KIF2C: variants seen among roughly 807,000 people sequenced by gnomAD.
KIF2C encodes the protein kinesin family member 2C.
A neutral mutation model predicts 97.4 loss-of-function variants in KIF2C; 34 were observed. The ratio of observed to expected loss-of-function variants is 0.35; its 90% CI spans 0.27 to 0.46. The LOEUF (loss-of-function observed/expected upper bound fraction) is 0.46. Among genes scored for constraint, KIF2C ranks in the 20% least tolerant of loss-of-function variants. The pLI is 1.00. For missense variants in KIF2C, 750 were observed against 907.6 expected (o/e 0.83, Z 2.23); for synonymous variants, 313 against 318.2 (o/e 0.98, Z 0.17).
intron 16 of KIF2C, 47 bp from the exon 17 acceptor site, chr1:44,761,869 T>C: frequency 6.3e-7 from 1 of 1,577,004 alleles, no homozygotes; most frequent in Non-Finnish European, 8.7e-7. Flanking sequence ...CTATATAGCA[T>C]CCTCACCGTG....
At chr1:44,752,649 G>A (rs1649590313) in intron 5 of KIF2C, among the ~76,000 whole-genome samples, 1 of 152,166 alleles carries the variant, frequency 6.6e-6, no homozygotes, top group South Asian at 2.1e-4. Context: ...ACCACGTATG[G>A]GAAGTAATGA....
intron 4 of KIF2C, among the ~76,000 whole-genome samples, 192 bp downstream of exon 4, chr1:44,747,892 G>A (rs1649299533): frequency 6.6e-6 from 1 of 152,206 alleles, no homozygotes; most frequent in Non-Finnish European, 1.5e-5. Context: ...AAGAGACCTG[G>A]TGCATTTAGG....
At chr1:44,741,796 G>A (rs1323613160) in intron 2 of KIF2C, among the ~76,000 whole-genome samples, 1 of 151,892 alleles carries the variant, frequency 6.6e-6, no homozygotes, top group Non-Finnish European at 1.5e-5. Context: ...TCAAGACCAG[G>A]CTGGGCAACA....
chr1:44,745,933 G>A (rs1209660512), intron 2 of KIF2C, among the ~76,000 whole-genome samples: 4 of 151,950 alleles, frequency 2.6e-5, no homozygotes, highest in Non-Finnish European at 4.4e-5. Context: ...CTGGAGTGCA[G>A]TGGCGGGATC....
intron 13 of KIF2C, 44 bp from the exon 14 acceptor site, chr1:44,759,162 C>T (rs749958651): frequency 5.6e-6 from 9 of 1,610,696 alleles, no homozygotes; most frequent in African/African-American, 2.7e-5. Flanking sequence ...GGTGGGGTGC[C>T]GGGTGCCCAG....
chr1:44,749,466 T>C (rs1032287281), intron 4 of KIF2C, among the ~76,000 whole-genome samples: 26 of 150,288 alleles, frequency 1.7e-4, no homozygotes, highest in African/African-American at 5.6e-4. Context: ...TACAGATCAT[T>C]TGGGGCTAGA....
chr1:44,757,169 G>A (rs975201019), intron 10 of KIF2C, among the ~76,000 whole-genome samples: 2 of 152,038 alleles, frequency 1.3e-5, no homozygotes, highest in African/African-American at 2.4e-5. Flanking sequence ...CACACACTTC[G>A]GCCTCCCAAA....
At position 44,760,696 on chromosome 1, in the gene KIF2C, T is replaced by C; in HGVS notation, c.1677T>C (p.Thr559=). 1 of 1,612,728 alleles carries C rather than the reference T, an allele frequency of 6.2e-7. No homozygotes were observed. Among genetic ancestry groups the C allele is most frequent in the Non-Finnish European group, 8.5e-7 (1 of 1,178,748 alleles). Residue 559 remains threonine, a synonymous_variant, in exon 16 of 21, where the codon ACT becomes ACC. Coordinates refer to ENST00000372224, the MANE Select transcript of KIF2C (RefSeq NM_006845.4). This position sits in a 1 kb window ranked among gnomAD's most constrained non-coding sequence, Gnocchi z 4.2. ...CCTTCATTGGGGAGAACTCTAGGAC[T>C]TGCATGGTGAGTAGGGTCACTTTGA... ...RDSFIGENSR[T]CMIATISPGI...
Position 44,747,566 on chromosome 1 carries a change from G to T in KIF2C, c.267+81G>T, listed in dbSNP as rs563580037. 3.2e-6 allele frequency: 5 copies of T among 1,563,154 alleles called. No homozygotes were observed. In the African/African-American group the frequency reaches 6.8e-5, roughly 21 times the overall value. On this transcript the variant is annotated intron_variant, in intron 3 of 20. Coordinates refer to ENST00000372224, the MANE Select transcript of KIF2C (RefSeq NM_006845.4). ...TGACTCTTTGCTGATTGATTGTCTG[G>T]CATTTTAGCATAGTACATGGGCCCA...
intron 4 of KIF2C, among the ~76,000 whole-genome samples, chr1:44,749,416 CAG>C (rs1649390405): frequency 6.6e-6 from 1 of 151,428 alleles, no homozygotes; most frequent in African/African-American, 2.4e-5. Context: ...GCCTGGGTGA[CAG>C]AGTGAGACTC....
At chr1:44,756,283 C>T in intron 10 of KIF2C, 46 bp downstream of exon 10, 3 of 1,590,824 alleles carry the variant, frequency 1.9e-6, no homozygotes, top group Non-Finnish European at 2.6e-6. Context: ...CCTTCCATCC[C>T]CTTTTTTTGT....
chr1:44,749,682 T>A (rs375174164), intron 4 of KIF2C, among the ~76,000 whole-genome samples: 2 of 151,172 alleles, frequency 1.3e-5, no homozygotes, highest in African/African-American at 4.9e-5. Context: ...CCTGAACTTA[T>A]AATACTCAGA....
chr1:44,766,998 G>C (rs1306428493), intron 20 of KIF2C, 49 bp downstream of exon 20: 6 of 1,612,236 alleles, frequency 3.7e-6, no homozygotes, highest in Non-Finnish European at 4.2e-6. Context: ...GCCTCTGCTG[G>C]CTCTTGGGCA....
At chr1:44,754,667 A>G (rs2148827860) in intron 7 of KIF2C, 83 bp from the exon 8 acceptor site, 1 of 835,530 alleles carries the variant, frequency 1.2e-6, no homozygotes, top group Non-Finnish European at 2.1e-6. Flanking sequence ...TGGTGAGCAA[A>G]GAGCTGTTGC....
At chr1:44,748,523 G>A (rs1649340232) in intron 4 of KIF2C, among the ~76,000 whole-genome samples, 1 of 152,106 alleles carries the variant, frequency 6.6e-6, no homozygotes, top group Non-Finnish European at 1.5e-5. Context: ...TGTCCTCAAA[G>A]GATATTGCCC....
At chr1:44,745,658 CG>C (rs1208867283) in intron 2 of KIF2C, among the ~76,000 whole-genome samples, 2 of 150,920 alleles carry the variant, frequency 1.3e-5, no homozygotes, top group Non-Finnish European at 2.9e-5. Flanking sequence ...TTAGTAGAGA[CG>C]GGGTTTTTCC....
rs765241548 is a variant in KIF2C, at chr1:44,761,896, C to T, written c.1684-20C>T. On this transcript the variant is annotated intron_variant, in intron 16 of 20. Coordinates refer to ENST00000372224, the MANE Select transcript of KIF2C (RefSeq NM_006845.4). Reference sequence around the variant, plus strand: ...CTCACCGTGCCTCTCAGCCTTTAATCACCCACCCCTCTTTTGCAGATTGCC... The same window carrying T: ...CTCACCGTGCCTCTCAGCCTTTAATTACCCACCCCTCTTTTGCAGATTGCC... 6.2e-7 allele frequency: 1 copy of T among 1,613,508 alleles called. No individual in the cohort carries two copies. The highest frequency in any genetic ancestry group is 1.1e-5 in the South Asian group (1 of 91,072).
At chr1:44,747,610 T>A (rs1205772434) in intron 3 of KIF2C, 42 bp from the exon 4 acceptor site, 1 of 1,605,690 alleles carries the variant, frequency 6.2e-7, no homozygotes, top group Non-Finnish European at 8.5e-7. Context: ...CCTTGAGAAT[T>A]GATAAGAGCC....
intron 4 of KIF2C, 58 bp from the exon 5 acceptor site, chr1:44,750,384 C>A (rs1337310455): frequency 1.5e-6 from 2 of 1,324,098 alleles, no homozygotes; most frequent in Non-Finnish European, 1.9e-6. Context: ...TGGAGGTTTG[C>A]CCCTGACCAC....
Sources: allele counts gnomAD v4.1 joint callset (sites outside exome capture counted in the v4.1 genomes callset), GRCh38; gene constraint gnomAD v4.1.1; non-coding constraint Gnocchi (gnomAD v3.1); transcripts MANE v1.5; gene names NCBI Gene and HGNC (gene_info 2026-07-23, HGNC 2026-07-21).